Variants in PTPRK observed in about 807,000 individuals in gnomAD.
PTPRK encodes the protein protein tyrosine phosphatase receptor type K.
PTPRK carries 75 observed loss-of-function variants against 178.0 expected under a neutral mutation model. The observed-to-expected ratio is 0.42, with a 90% CI of 0.35 to 0.51. PTPRK has a LOEUF of 0.51. Among genes scored for constraint, PTPRK ranks in the 20% least tolerant of loss-of-function variants. The pLI is 0.02. For synonymous variants in PTPRK, 637 were observed against 620.6 expected (o/e 1.03, Z -0.39); for missense variants, 1,441 against 1,797.8 (o/e 0.80, Z 3.59).
chr6:127,997,110 G>A (rs1777245486), intron 16 of PTPRK, 122 bp from the exon 17 acceptor site: 7 of 944,672 alleles, frequency 7.4e-6, no homozygotes, highest in Non-Finnish European at 1.1e-5. Context: ...TCCTACAGTA[G>A]TAAACAAGTT....
chr6:128,275,101 C>A (rs916091443), intron 3 of PTPRK, among the ~76,000 whole-genome samples: 2 of 152,016 alleles, frequency 1.3e-5, no homozygotes, highest in African/African-American at 4.8e-5. Flanking sequence ...CACTGTACAA[C>A]ACACACTTTC....
At chr6:128,010,253 C>T (rs1399047037) in intron 13 of PTPRK, among the ~76,000 whole-genome samples, 1 of 151,178 alleles carries the variant, frequency 6.6e-6, no homozygotes, top group South Asian at 2.1e-4. Context: ...ATTGGTGTAA[C>T]AAGAGTCCAG....
chr6:128,050,648 C>T (rs571422147), intron 13 of PTPRK, among the ~76,000 whole-genome samples: 126 of 152,292 alleles, frequency 8.3e-4, no homozygotes, highest in African/African-American at 2.8e-3. Context: ...TCTTTATGTG[C>T]TGGCTGCCAC....
intron 1 of PTPRK, among the ~76,000 whole-genome samples, chr6:128,426,422 A>G (rs1844146923): frequency 6.6e-6 from 1 of 152,060 alleles, no homozygotes; most frequent in Admixed American, 6.6e-5. Context: ...ATTTTATTCA[A>G]TCCTTATAAT....
intron 10 of PTPRK, among the ~76,000 whole-genome samples, chr6:128,080,472 A>C (rs1201997111): frequency 6.6e-6 from 1 of 152,120 alleles, no homozygotes; most frequent in Non-Finnish European, 1.5e-5. Context: ...ATATTTCAAT[A>C]ATCTGTTTAA....
chr6:128,180,042 T>C (rs558115735), intron 7 of PTPRK, among the ~76,000 whole-genome samples: 18 of 152,176 alleles, frequency 1.2e-4, no homozygotes, highest in African/African-American at 3.9e-4. Context: ...ATGTATTATG[T>C]TCTGGACACT....
At chr6:128,464,674 T>TATATATATATATAC (rs1407701569) in intron 1 of PTPRK, among the ~76,000 whole-genome samples, 44 of 124,748 alleles carry the variant, frequency 3.5e-4, no homozygotes, top group South Asian at 1.0e-3. Flanking sequence ...TATATATATA[T>TATATATATATATAC]ACAACAGATG....
Position 128,078,872 on chromosome 6 carries a change from T to C in PTPRK, c.1824A>G (p.Glu608=). The stretch of plus-strand genomic sequence containing the variant: ...ACAATACAGTTATTGTGGTGGCAGT[T>C]TCATTGAGAGAGGCATCAACTCCTT... ...DYEGVDASLN[E]TATTITVLLR... The change falls in exon 11 of 30, where the codon GAA becomes GAG. Residue 608 remains glutamate, a synonymous_variant. Transcript: ENST00000368226. 6.2e-7 allele frequency: 1 copy of C among 1,612,434 alleles called. No homozygotes were observed. The highest frequency in any genetic ancestry group is 1.1e-5 in the South Asian group (1 of 91,028).
intron 3 of PTPRK, among the ~76,000 whole-genome samples, chr6:128,279,213 A>T (rs202188325): frequency 0.071 from 197 of 2,784 alleles, 2 homozygotes; most frequent in Admixed American, 0.11. Context: ...AGGTTAAATT[A>T]AAAAAAAAAA....
In PTPRK at chr6:128,239,957, G is replaced by A. The variant is rs191577571; in HGVS notation, c.693+78C>T. The A allele has an allele frequency of 9.9e-6, 11 of 1,106,302 alleles. No homozygotes were observed. The Admixed American group carries it at 1.9e-4, about 20-fold the overall frequency. The allele number at this position is 1,106,302 out of a possible 1,614,324, so 68.5% of individuals were successfully genotyped here. ...CACACACACACACACTCAAAAGGAT[G>A]AGACAACAAACAGTCCTGTTGCAAT... is the stretch of plus-strand genomic sequence containing the variant. On this transcript the variant is annotated intron_variant, in intron 5 of 29. Coordinates refer to ENST00000368226, the MANE Select transcript of PTPRK (RefSeq NM_002844.4).
At chr6:128,252,733 A>C (rs1562874011) in intron 3 of PTPRK, among the ~76,000 whole-genome samples, 1 of 152,078 alleles carries the variant, frequency 6.6e-6, no homozygotes, top group Non-Finnish European at 1.5e-5. Flanking sequence ...CAGAGCCCCA[A>C]CTCTGAGCCA....
chr6:128,434,574 G>A (rs1015140854), intron 1 of PTPRK, among the ~76,000 whole-genome samples: 69 of 152,240 alleles, frequency 4.5e-4, no homozygotes, highest in African/African-American at 1.6e-3. Flanking sequence ...TACTGCTGAA[G>A]TGTTAAATGA....
chr6:128,257,251 G>A (rs567125246), intron 3 of PTPRK, among the ~76,000 whole-genome samples: 2 of 151,556 alleles, frequency 1.3e-5, no homozygotes, highest in South Asian at 2.1e-4. Flanking sequence ...AAGACACCTG[G>A]GAGATAGGAA....
intron 3 of PTPRK, among the ~76,000 whole-genome samples, chr6:128,258,702 C>T (rs1025476374): frequency 5.9e-5 from 9 of 152,074 alleles, no homozygotes; most frequent in East Asian, 1.9e-4. Flanking sequence ...AAGGAGTTAA[C>T]GAACAGAAGG....
chr6:128,478,491 C>A (rs1851651473), intron 1 of PTPRK, among the ~76,000 whole-genome samples: 1 of 152,100 alleles, frequency 6.6e-6, no homozygotes, highest in South Asian at 2.1e-4. Flanking sequence ...CTAAAGTGAC[C>A]TTCATGCTGA....
At chr6:128,267,758 C>G (rs1819184207) in intron 3 of PTPRK, among the ~76,000 whole-genome samples, 1 of 152,054 alleles carries the variant, frequency 6.6e-6, no homozygotes, top group South Asian at 2.1e-4. Context: ...CTTAAATATT[C>G]TACAAACAGT....
At chr6:128,512,582 AG>A (rs1857349586) in intron 1 of PTPRK, among the ~76,000 whole-genome samples, 1 of 152,212 alleles carries the variant, frequency 6.6e-6, no homozygotes, top group Non-Finnish European at 1.5e-5. Context: ...AAACACTTAC[AG>A]GCTCATTAAT....
chr6:127,983,310 C>T lies in PTPRK; in HGVS notation c.3319G>A (p.Gly1107Ser). The T allele has an allele frequency of 1.2e-6, 2 of 1,613,404 alleles. No homozygotes were observed. The highest frequency in any genetic ancestry group is 1.3e-5 in the African/African-American group (1 of 74,962). ...DIMLDMAERE[G>S]VVDIYNCVKA... Reference sequence around the variant, plus strand: ...ACACAATTGTAAATATCAACAACACCCTCTCTTTCAGCCATGTCTAGCATG... The same window carrying T: ...ACACAATTGTAAATATCAACAACACTCTCTCTTTCAGCCATGTCTAGCATG... The change falls in exon 23 of 30, where the codon GGT becomes AGT. Residue 1107 changes from glycine (G) to serine (S), a missense_variant. Gly to Ser is a moderately conservative substitution (Grantham distance 56). Around this residue, in one of 4 missense-constraint regions of PTPRK, gnomAD observed 335 missense variants for 512.4 expected, o/e 0.65. Coordinates refer to ENST00000368226, the MANE Select transcript of PTPRK (RefSeq NM_002844.4).
intron 7 of PTPRK, among the ~76,000 whole-genome samples, chr6:128,107,093 T>C (rs1422623783): frequency 1.3e-5 from 2 of 152,092 alleles, no homozygotes; most frequent in East Asian, 1.9e-4. Flanking sequence ...CATTTACTAA[T>C]ACATTCTGAT....
Sources: allele counts gnomAD v4.1 joint callset (sites outside exome capture counted in the v4.1 genomes callset), GRCh38; gene constraint gnomAD v4.1.1; regional missense constraint gnomAD v4.1.1; transcripts MANE v1.5; gene names NCBI Gene and HGNC (gene_info 2026-07-23, HGNC 2026-07-21).